VTI1A: variants seen among roughly 807,000 people sequenced by gnomAD.
The protein encoded by VTI1A is vesicle transport through interaction with t-SNAREs homolog 1A.
Under a neutral mutation model 34.9 loss-of-function variants are expected in VTI1A, and 22 were observed. That is an observed-to-expected ratio of 0.63 (90% CI 0.45 to 0.90). VTI1A has a LOEUF of 0.90. Among genes scored for constraint, VTI1A ranks in the 40% least tolerant of loss-of-function variants. The pLI is 0.00. For synonymous variants in VTI1A, 87 were observed against 97.3 expected (o/e 0.89, Z 0.62); for missense variants, 268 against 275.6 (o/e 0.97, Z 0.20).
At chr10:112,651,240 A>ATT in intron 5 of VTI1A, among the ~76,000 whole-genome samples, 1 of 152,336 alleles carries the variant, frequency 6.6e-6, no homozygotes, top group Non-Finnish European at 1.5e-5. Context: ...TAAATATGAC[A>ATT]AAATAGTTTA....
chr10:112,520,373 A>G (rs897455518), intron 3 of VTI1A, among the ~76,000 whole-genome samples: 11 of 152,076 alleles, frequency 7.2e-5, no homozygotes, highest in Non-Finnish European at 1.5e-4. Flanking sequence ...AAGTGGGGCC[A>G]TGATACTAAC....
At chr10:112,680,782 T>C (rs1848184979) in intron 7 of VTI1A, among the ~76,000 whole-genome samples, 1 of 152,206 alleles carries the variant, frequency 6.6e-6, no homozygotes, top group East Asian at 1.9e-4. Flanking sequence ...GAGGAGATGA[T>C]AGGTGAGAAC....
At position 112,687,017 on chromosome 10, in the gene VTI1A, C is replaced by T. The variant is rs542845766; in HGVS notation, c.560+18019C>T. Among the ~76,000 whole-genome samples the T allele has an allele frequency of 7.2e-5, 11 of 152,100 alleles. No individual in the cohort carries two copies. The East Asian group carries it at 1.4e-3, about 19-fold the overall frequency. ...GTCTTCTCAGATGCTCTGTGGGCACCGCTGTAACCTGTTCCCTCAGCTCTG... is the reference window on the plus strand; with the variant it reads ...GTCTTCTCAGATGCTCTGTGGGCACTGCTGTAACCTGTTCCCTCAGCTCTG... On this transcript the variant is annotated intron_variant, in intron 7 of 7. Coordinates refer to ENST00000393077, the MANE Select transcript of VTI1A (RefSeq NM_145206.4).
chr10:112,782,800 G>T (rs1852172291), intron 7 of VTI1A, among the ~76,000 whole-genome samples: 1 of 152,054 alleles, frequency 6.6e-6, no homozygotes, highest in Non-Finnish European at 1.5e-5. Context: ...CTTGTCAGGG[G>T]GTGTTACTGG....
chr10:112,450,095 T>C (rs1385338605), intron 1 of VTI1A: 2 of 152,206 alleles, frequency 1.3e-5, no homozygotes, highest in African/African-American at 4.8e-5. Flanking sequence ...TTTTGCCATG[T>C]TGCCCAGGCT....
chr10:112,729,763 C>A (rs1264246072), intron 7 of VTI1A, among the ~76,000 whole-genome samples: 1 of 152,178 alleles, frequency 6.6e-6, no homozygotes, highest in Admixed American at 6.5e-5. Context: ...GGTGGGCACT[C>A]CATTTTCAAA....
intron 3 of VTI1A, among the ~76,000 whole-genome samples, chr10:112,496,185 A>ACACCCCCC (rs1849011433): frequency 3.6e-5 from 1 of 27,838 alleles, no homozygotes; most frequent in Admixed American, 4.3e-4. Context: ...AAATGGGGAG[A>ACACCCCCC]CCCCCCCCCC....
chr10:112,806,901 A>G (rs1853104038), intron 7 of VTI1A, among the ~76,000 whole-genome samples: 1 of 152,100 alleles, frequency 6.6e-6, no homozygotes, highest in African/African-American at 2.4e-5. Context: ...TCCTGTTTTA[A>G]ATGGCCTATT....
chr10:112,675,252 C>T (rs1257967000), intron 7 of VTI1A, among the ~76,000 whole-genome samples: 1 of 152,314 alleles, frequency 6.6e-6, no homozygotes, highest in African/African-American at 2.4e-5. Flanking sequence ...TCTATGATAA[C>T]TCTATAAGAT....
chr10:112,788,809 GA>G (rs1852373051), intron 7 of VTI1A, among the ~76,000 whole-genome samples: 2 of 151,724 alleles, frequency 1.3e-5, no homozygotes, highest in African/African-American at 4.8e-5. Context: ...TTCACATATT[GA>G]TTTTTTTTAT....
chr10:112,819,401 G>A (rs540336921), downstream of VTI1A, among the ~76,000 whole-genome samples: 7 of 152,112 alleles, frequency 4.6e-5, no homozygotes, highest in Non-Finnish European at 1.0e-4. Context: ...AGGAACCACC[G>A]TGAGTCCCTG....
intron 7 of VTI1A, chr10:112,737,523 A>T (rs1850531742): frequency 9.5e-7 from 1 of 1,050,912 alleles, no homozygotes; most frequent in Admixed American, 5.5e-5. Context: ...CGGGGTGTGC[A>T]GTATTTTAGG....
intron 4 of VTI1A, among the ~76,000 whole-genome samples, chr10:112,532,516 A>G (rs1850483918): frequency 6.6e-6 from 1 of 152,152 alleles, no homozygotes. Flanking sequence ...GTAGTTTAGA[A>G]TAATGTCAAA....
At chr10:112,706,417 T>G (rs1339401813) in intron 7 of VTI1A, among the ~76,000 whole-genome samples, 1 of 152,188 alleles carries the variant, frequency 6.6e-6, no homozygotes, top group Non-Finnish European at 1.5e-5. Flanking sequence ...TTAATCAATG[T>G]GTGCTAATTA....
chr10:112,645,755 T>C (rs1291800265), intron 5 of VTI1A, among the ~76,000 whole-genome samples: 1 of 152,220 alleles, frequency 6.6e-6, no homozygotes, highest in Non-Finnish European at 1.5e-5. Context: ...CTCTCTATAA[T>C]AGTTTCTTTA....
In VTI1A at chr10:112,538,409, C is replaced by A; in HGVS notation, c.427+79C>A. ...AACACATGACATTTCAGGGAAACTT[C>A]AAAGGAGTAGCAGAGACAGCAGCCC... On this transcript the variant is annotated intron_variant, in intron 5 of 7. Coordinates refer to ENST00000393077, the MANE Select transcript of VTI1A (RefSeq NM_145206.4). 2.9e-6 allele frequency: 4 copies of A among 1,358,390 alleles called. No homozygotes were observed. The South Asian group carries it at 3.5e-5, about 12-fold the overall frequency. 84.1% of individuals were successfully genotyped at this position (1,358,390 alleles called of 1,614,324 possible). A position where few individuals can be genotyped will look rare whatever the true frequency, so the allele number is the denominator to read the frequency against.
chr10:112,614,442 A>G (rs916058427), intron 5 of VTI1A, among the ~76,000 whole-genome samples: 1 of 152,164 alleles, frequency 6.6e-6, no homozygotes, highest in Admixed American at 6.5e-5. Context: ...CCATAAGTTT[A>G]TGGGAAAAAG....
chr10:112,635,347 A>G (rs1285888994), intron 5 of VTI1A, among the ~76,000 whole-genome samples: 2 of 152,196 alleles, frequency 1.3e-5, no homozygotes, highest in African/African-American at 4.8e-5. Flanking sequence ...AGTCAGCAGG[A>G]TTGTACGGAT....
intron 5 of VTI1A, among the ~76,000 whole-genome samples, chr10:112,597,717 A>G (rs1267669354): frequency 2.5e-4 from 3 of 12,112 alleles, no homozygotes; most frequent in Non-Finnish European, 3.6e-4. Flanking sequence ...TTTTTTTTTG[A>G]GACGGAGTCT....
Sources: gnomAD v4.1 joint callset for allele counts (sites outside exome capture counted in the v4.1 genomes callset) on GRCh38, gnomAD v4.1.1 for gene constraint, MANE v1.5 for transcripts, NCBI Gene and HGNC (gene_info 2026-07-23, HGNC 2026-07-21) for gene names.